PTBP3: variants seen among roughly 807,000 people sequenced by gnomAD.
PTBP3 encodes polypyrimidine tract binding protein 3.
Under a neutral mutation model 58.7 loss-of-function variants are expected in PTBP3, and 20 were observed. That is an observed-to-expected ratio of 0.34 (90% CI 0.24 to 0.50). The LOEUF (loss-of-function observed/expected upper bound fraction) is 0.50. Ranked by LOEUF, PTBP3 falls within the 20% of genes least tolerant of loss-of-function variation. The pLI, the probability that PTBP3 is intolerant of heterozygous loss-of-function variation, is 0.98. For synonymous variants in PTBP3, 185 were observed against 219.8 expected (o/e 0.84, Z 1.40); for missense variants, 509 against 637.2 (o/e 0.80, Z 2.17).
intron 1 of PTBP3, among the ~76,000 whole-genome samples, chr9:112,322,989 T>G (rs758738692): frequency 6.6e-6 from 1 of 152,226 alleles, no homozygotes; most frequent in Non-Finnish European, 1.5e-5. Flanking sequence ...GGCTCATGCC[T>G]GTAATCCCAA....
At chr9:112,239,836 AGGGAGGG>A (rs1835578881) in intron 7 of PTBP3, among the ~76,000 whole-genome samples, 1 of 5,008 alleles carries the variant, frequency 2.0e-4, no homozygotes, top group African/African-American at 1.3e-3. Context: ...GGAGGAAGGG[AGGGAGGG>A]AGGGAGGGAG....
intron 1 of PTBP3, among the ~76,000 whole-genome samples, chr9:112,321,528 G>GA (rs34348679): frequency 0.79 from 113,148 of 143,168 alleles, 44,692 homozygotes; most frequent in South Asian, 0.9. Context: ...GACGTAGTCT[G>GA]AAAAAAAAAA....
At chr9:112,272,006 T>G (rs923556079) in intron 3 of PTBP3, among the ~76,000 whole-genome samples, 5 of 152,136 alleles carry the variant, frequency 3.3e-5, no homozygotes, top group African/African-American at 1.2e-4. Flanking sequence ...TAGTTTCCTC[T>G]TAACAGGAAT....
chr9:112,276,027 G>A lies in PTBP3; in HGVS notation c.35-14C>T, dbSNP rs1220804433. ...CATTCCCATTAGCTAAAAAACATAA[G>A]ATTCTTTTTTAAATTACTGCAACTA... On this transcript the variant is annotated splice_polypyrimidine_tract_variant and intron_variant, in intron 2 of 13. Transcript: ENST00000374257. The A allele has an allele frequency of 3.1e-6, 5 of 1,603,018 alleles. No homozygotes were observed. The South Asian group carries it at 5.5e-5, about 18-fold the overall frequency.
At chr9:112,336,312 G>A (rs1195402099), upstream of PTBP3, among the ~76,000 whole-genome samples, 1 of 152,008 alleles carries the variant, frequency 6.6e-6, no homozygotes, top group Non-Finnish European at 1.5e-5. Flanking sequence ...TTACATCTGA[G>A]GAATAGATCC....
chr9:112,336,622 T>G (rs918108739), upstream of PTBP3, among the ~76,000 whole-genome samples: 3 of 151,928 alleles, frequency 2.0e-5, no homozygotes. Flanking sequence ...TCTCTATATT[T>G]TTATAAAAAT....
chr9:112,278,010 A>AACCTAAACAGGCACCAAAT (rs750464293), intron 2 of PTBP3, among the ~76,000 whole-genome samples: 2 of 152,194 alleles, frequency 1.3e-5, no homozygotes, highest in African/African-American at 4.8e-5. Context: ...CTGCTCCAAA[A>AACCTAAACAGGCACCAAAT]ACCTAAACAG....
rs569897628 is a variant in PTBP3, at chr9:112,254,296, A to C, written c.517-1508T>G. ...CCACCATACCTGGCCCTGCTTTTTAATTCTCAAAAAGTATGCTCAAGAATA... is the reference window on the plus strand; with the variant it reads ...CCACCATACCTGGCCCTGCTTTTTACTTCTCAAAAAGTATGCTCAAGAATA... On this transcript the variant is annotated intron_variant, in intron 5 of 13. Coordinates refer to ENST00000374257, the MANE Select transcript of PTBP3 (RefSeq NM_001163788.4). Among the ~76,000 whole-genome samples, 6 of 152,282 alleles carry C rather than the reference A, an allele frequency of 3.9e-5. No homozygotes were observed. The South Asian group carries it at 1.0e-3, about 26-fold the overall frequency.
At chr9:112,341,374 C>T in the PTBP3 span, among the ~76,000 whole-genome samples, 8 of 152,244 alleles carry the variant, frequency 5.3e-5, no homozygotes, top group African/African-American at 1.4e-4. Flanking sequence ...TCCAGTGATC[C>T]GCCTGCCTCG....
At chr9:112,365,157 T>C in the PTBP3 span, among the ~76,000 whole-genome samples, 1 of 78,984 alleles carries the variant, frequency 1.3e-5, no homozygotes, top group Admixed American at 1.5e-4. Context: ...TGTATATGTC[T>C]ATCTATCTAT....
Position 112,228,300 on chromosome 9 carries a change from A to T in PTBP3, c.1147+80T>A. Reference sequence around the variant, plus strand: ...TGTTCTTTTGTAAAATCATATTCCTACTAGCTGTATTTTGAAGGAAAATTC... The same window carrying T: ...TGTTCTTTTGTAAAATCATATTCCTTCTAGCTGTATTTTGAAGGAAAATTC... On this transcript the variant is annotated intron_variant, in intron 11 of 13. Transcript: ENST00000374257. The T allele has an allele frequency of 8.6e-6, 8 of 927,530 alleles. No individual in the cohort carries two copies. The South Asian group carries it at 1.3e-4, about 15-fold the overall frequency. The allele number at this position is 927,530 out of a possible 1,614,324, so 57.5% of individuals were successfully genotyped here.
the PTBP3 span, among the ~76,000 whole-genome samples, chr9:112,350,246 G>A: frequency 1.3e-5 from 2 of 152,128 alleles, no homozygotes; most frequent in East Asian, 3.9e-4. Flanking sequence ...GGGGGTGAGG[G>A]ATAAAAGACT....
chr9:112,271,365 T>C (rs879832492), intron 3 of PTBP3, among the ~76,000 whole-genome samples: 5 of 152,230 alleles, frequency 3.3e-5, no homozygotes, highest in Non-Finnish European at 7.3e-5. Flanking sequence ...TTGACTGTTA[T>C]GGTGCTCAAA....
intron 1 of PTBP3, among the ~76,000 whole-genome samples, chr9:112,317,431 A>G (rs1178376349): frequency 2.0e-5 from 3 of 152,024 alleles, no homozygotes; most frequent in African/African-American, 7.2e-5. Context: ...CAAGAAAAGC[A>G]AATTAAACTC....
chr9:112,312,688 T>C (rs917643704), intron 1 of PTBP3, among the ~76,000 whole-genome samples: 6 of 151,796 alleles, frequency 4.0e-5, no homozygotes, highest in African/African-American at 1.2e-4. Context: ...TAAAATAAAA[T>C]TTTAAAAAAT....
intron 2 of PTBP3, among the ~76,000 whole-genome samples, chr9:112,295,567 G>A (rs1828641653): frequency 7.6e-6 from 1 of 131,736 alleles, no homozygotes. Context: ...CATCTGGGTA[G>A]CAATGTGTCA....
upstream of PTBP3, among the ~76,000 whole-genome samples, chr9:112,338,410 T>C (rs1244469113): frequency 6.6e-6 from 1 of 152,222 alleles, no homozygotes; most frequent in Non-Finnish European, 1.5e-5. Context: ...AAGATGTTAC[T>C]ATTGGGGGAA....
At chr9:112,298,638 A>G in intron 1 of PTBP3, 1 of 446,254 alleles carries the variant, frequency 2.2e-6, no homozygotes, top group South Asian at 1.7e-5. Context: ...ACCTTGGCCA[A>G]TTTTTAAGAA....
At position 112,247,713 on chromosome 9, in the gene PTBP3, A is replaced by G. The variant is rs1389784210; in HGVS notation, c.802+3216T>C. ...CTCGAAGACAGAGAAAGACTATCTC[A>G]AAACAAAAAGTCTATGGATTAAAGG... On this transcript the variant is annotated intron_variant, in intron 7 of 13. Coordinates refer to ENST00000374257, the MANE Select transcript of PTBP3 (RefSeq NM_001163788.4). 2.6e-5 allele frequency among the ~76,000 whole-genome samples: 4 copies of G among 152,172 alleles called. No individual in the cohort carries two copies. In the East Asian group the frequency reaches 7.7e-4, roughly 29 times the overall value.
Sources: allele counts gnomAD v4.1 joint callset (sites outside exome capture counted in the v4.1 genomes callset), GRCh38; gene constraint gnomAD v4.1.1; transcripts MANE v1.5; gene names NCBI Gene and HGNC (gene_info 2026-07-23, HGNC 2026-07-21).